Variants in CARF observed in about 807,000 individuals in gnomAD.
CARF encodes the protein calcium-responsive transcription factor.
A neutral mutation model predicts 82.0 loss-of-function variants in CARF; 57 were observed. The observed-to-expected ratio is 0.70, with a 90% CI of 0.56 to 0.87. CARF has a LOEUF of 0.87. Among genes scored for constraint, CARF ranks in the 40% least tolerant of loss-of-function variants. CARF has a pLI of 0.00. For missense variants in CARF, 771 were observed against 855.8 expected (o/e 0.90, Z 1.24); for synonymous variants, 268 against 290.1 (o/e 0.92, Z 0.77).
intron 5 of CARF, among the ~76,000 whole-genome samples, chr2:202,947,533 G>A (rs2058558332): frequency 6.6e-6 from 1 of 152,108 alleles, no homozygotes; most frequent in South Asian, 2.1e-4. Context: ...TGCATGAGGG[G>A]CTTAAAACCT....
chr2:202,956,066 T>C (rs535619820), intron 8 of CARF, among the ~76,000 whole-genome samples: 32 of 152,014 alleles, frequency 2.1e-4, no homozygotes, highest in Non-Finnish European at 2.9e-4. Context: ...TTTTCTTTCT[T>C]TGCTTGCACT....
chr2:202,943,043 C>G (rs977178678), intron 5 of CARF, 76 bp downstream of exon 5: 36 of 1,114,074 alleles, frequency 3.2e-5, no homozygotes, highest in Non-Finnish European at 4.2e-5. Flanking sequence ...ACCTTAATTT[C>G]TTGACACTTT....
At chr2:202,973,537 G>A (rs2059895385) in intron 12 of CARF, 2 of 395,566 alleles carry the variant, frequency 5.1e-6, no homozygotes, top group African/African-American at 4.3e-5. Context: ...GTAACATGAT[G>A]TTTACGCACA....
At chr2:202,942,062 C>T in intron 4 of CARF, 82 bp downstream of exon 4, 2 of 1,111,438 alleles carry the variant, frequency 1.8e-6, no homozygotes, top group Non-Finnish European at 2.7e-6. Flanking sequence ...CAAGGGATAG[C>T]TGTTATATTT....
intron 12 of CARF, among the ~76,000 whole-genome samples, chr2:202,973,778 C>A (rs2059907206): frequency 6.6e-6 from 1 of 152,154 alleles, no homozygotes; most frequent in African/African-American, 2.4e-5. Context: ...ATAATGATTT[C>A]TTTAAATTCA....
At position 202,980,661 on chromosome 2, in the gene CARF, T is replaced by TATATATAC. The variant is rs1309966072; in HGVS notation, c.1559-893_1559-892insTATATACA. Among the ~76,000 whole-genome samples, 32 of 125,422 alleles carry TATATATAC rather than the reference T, an allele frequency of 2.6e-4. 2 individuals carry two copies. Among genetic ancestry groups the TATATATAC allele is most frequent in the African/African-American group, 9.0e-4 (29 of 32,378 alleles). The allele number at this position is 125,422 out of a possible 152,430, so 82.3% of individuals were successfully genotyped here. A position where few individuals can be genotyped will look rare whatever the true frequency, so the allele number is the denominator to read the frequency against. ...ATATATATATATATATATATATATA[T>TATATATAC]AGTTGTGCCTCTGTATCTATGGGTT... On this transcript the variant is annotated intron_variant, in intron 14 of 16. Transcript: ENST00000438828.
chr2:202,959,567 C>T (rs1217121793), intron 8 of CARF, among the ~76,000 whole-genome samples: 1 of 152,066 alleles, frequency 6.6e-6, no homozygotes, highest in Non-Finnish European at 1.5e-5. Flanking sequence ...GCCTGTAATC[C>T]CATCACTTTG....
chr2:202,939,277 G>A (rs962662104), intron 3 of CARF, among the ~76,000 whole-genome samples: 1 of 152,176 alleles, frequency 6.6e-6, no homozygotes, highest in Non-Finnish European at 1.5e-5. Flanking sequence ...TTATGATGGT[G>A]TGAAAATGAT....
intron 1 of CARF, among the ~76,000 whole-genome samples, chr2:202,913,914 C>T (rs1474337857): frequency 2.0e-5 from 3 of 152,150 alleles, no homozygotes; most frequent in African/African-American, 7.2e-5. Flanking sequence ...TAATATAAGA[C>T]TTTCAGTTTG....
intron 2 of CARF, among the ~76,000 whole-genome samples, chr2:202,922,467 G>A (rs1691013385): frequency 2.0e-5 from 3 of 152,046 alleles, no homozygotes; most frequent in Admixed American, 2.0e-4. Flanking sequence ...ATATAGTACT[G>A]GAAGTCCTAC....
intron 2 of CARF, among the ~76,000 whole-genome samples, chr2:202,918,487 G>C (rs569233579): frequency 1.3e-5 from 2 of 151,914 alleles, no homozygotes; most frequent in Admixed American, 1.3e-4. Flanking sequence ...TGCAGTGAGT[G>C]CCACTGCACT....
intron 4 of CARF, 60 bp from the exon 5 acceptor site, chr2:202,942,680 A>T: frequency 7.7e-7 from 1 of 1,298,520 alleles, no homozygotes; most frequent in African/African-American, 1.5e-5. Context: ...CATTTTTATT[A>T]TACACATCTT....
intron 3 of CARF, among the ~76,000 whole-genome samples, chr2:202,927,631 C>T (rs1692102673): frequency 6.6e-6 from 1 of 151,892 alleles, no homozygotes. Context: ...GTGTAATGAT[C>T]AAATCAGGAT....
chr2:202,948,686 A>G (rs926237168), intron 5 of CARF, among the ~76,000 whole-genome samples: 3 of 152,142 alleles, frequency 2.0e-5, no homozygotes, highest in African/African-American at 7.2e-5. Flanking sequence ...TGATTTTTAA[A>G]CATTGATTTT....
At chr2:202,929,219 A>G (rs115840644) in intron 3 of CARF, among the ~76,000 whole-genome samples, 2,278 of 152,142 alleles carry the variant, frequency 0.015, 27 homozygotes, top group Non-Finnish European at 0.023. Context: ...CCATTTGTCT[A>G]TTTTTGCTTT....
At chr2:202,956,969 A>G (rs2059077792) in intron 8 of CARF, among the ~76,000 whole-genome samples, 1 of 151,938 alleles carries the variant, frequency 6.6e-6, no homozygotes, top group South Asian at 2.1e-4. Flanking sequence ...TTGTATTTTT[A>G]GTAGAGACAG....
intron 3 of CARF, among the ~76,000 whole-genome samples, chr2:202,933,596 G>A (rs968956087): frequency 2.6e-5 from 4 of 152,230 alleles, no homozygotes; most frequent in South Asian, 4.1e-4. Flanking sequence ...GGTGGAGGCC[G>A]GATGCTTCCT....
intron 14 of CARF, among the ~76,000 whole-genome samples, chr2:202,978,610 T>C (rs1163896031): frequency 6.6e-6 from 1 of 152,212 alleles, no homozygotes. Context: ...CATTGCCAGA[T>C]ACAGGTGAAG....
At chr2:202,960,307 T>C (rs781586759) in intron 8 of CARF, among the ~76,000 whole-genome samples, 51 of 151,898 alleles carry the variant, frequency 3.4e-4, no homozygotes, top group Middle Eastern at 3.4e-3. Flanking sequence ...TGGAGCGCAA[T>C]GGCACAATCT....
Sources: allele counts gnomAD v4.1 joint callset (sites outside exome capture counted in the v4.1 genomes callset), GRCh38; gene constraint gnomAD v4.1.1; transcripts MANE v1.5; gene names NCBI Gene and HGNC (gene_info 2026-07-23, HGNC 2026-07-21).